BTBD9: variants seen among roughly 807,000 people sequenced by gnomAD.
BTBD9 encodes the protein BTB/POZ domain-containing protein 9.
Under a neutral mutation model 64.3 loss-of-function variants are expected in BTBD9, and 49 were observed. The ratio of observed to expected loss-of-function variants is 0.76; its 90% confidence interval spans 0.61 to 0.97. The LOEUF (loss-of-function observed/expected upper bound fraction) is 0.97, where lower values mean the gene tolerates loss of function less well. Among genes scored for constraint, BTBD9 ranks in the 50% least tolerant of loss-of-function variants. The pLI, the probability that BTBD9 is intolerant of heterozygous loss-of-function variation, is 0.00. For synonymous variants in BTBD9, 260 were observed against 274.7 expected, an observed-to-expected ratio of 0.95 and a Z score of 0.53; for missense variants, 598 against 762.1, an observed-to-expected ratio of 0.78 and a Z score of 2.53.
intron 6 of BTBD9, among the ~76,000 whole-genome samples, chr6:38,506,566 A>G (rs1237972572): frequency 6.6e-6 from 1 of 152,216 alleles, no homozygotes; most frequent in Non-Finnish European, 1.5e-5. Context: ...CACTAAACAC[A>G]TCCTGCTTTC....
At chr6:38,466,564 G>C (rs1227095453) in intron 6 of BTBD9, among the ~76,000 whole-genome samples, 3 of 151,796 alleles carry the variant, frequency 2.0e-5, no homozygotes, top group African/African-American at 7.3e-5. Flanking sequence ...AATTGCTAGG[G>C]ATTACAGGCA....
intron 9 of BTBD9, among the ~76,000 whole-genome samples, chr6:38,239,459 A>AAAT (rs1554131097): frequency 1.3e-5 from 2 of 148,762 alleles, no homozygotes; most frequent in African/African-American, 2.5e-5. Context: ...AAAAAAAAAA[A>AAAT]AGATATAATC....
chr6:38,524,437 T>C (rs1371650976), intron 6 of BTBD9, among the ~76,000 whole-genome samples: 1 of 151,992 alleles, frequency 6.6e-6, no homozygotes, highest in African/African-American at 2.4e-5. Context: ...AGTAGAGAAA[T>C]GGATTAGTAT....
At chr6:38,493,639 C>T (rs1771800632) in intron 6 of BTBD9, among the ~76,000 whole-genome samples, 1 of 152,198 alleles carries the variant, frequency 6.6e-6, no homozygotes, top group Non-Finnish European at 1.5e-5. Flanking sequence ...GGAAAAGGAT[C>T]TATAGTTAGT....
rs567011870 is a variant in BTBD9 at position 38,635,279 on chromosome 6, G to C, written c.-28+4521C>G. Reference sequence around the variant, plus strand: ...ACCTCCTGAGTAGCTGGGATTACAGGTGTGCACCACCCCACCCAGCTAATT... The same window carrying C: ...ACCTCCTGAGTAGCTGGGATTACAGCTGTGCACCACCCCACCCAGCTAATT... On this transcript the variant is annotated intron_variant, in intron 1 of 10. Transcript: ENST00000481247. Among the ~76,000 whole-genome samples, 2 of 152,038 alleles carry C rather than the reference G, an allele frequency of 1.3e-5. 1 individual carries two copies. Among genetic ancestry groups the C allele is most frequent in the African/African-American group, 4.8e-5 (2 of 41,390 alleles).
intron 7 of BTBD9, among the ~76,000 whole-genome samples, chr6:38,322,206 T>A (rs1449269435): frequency 6.6e-6 from 1 of 152,052 alleles, no homozygotes; most frequent in African/African-American, 2.4e-5. Context: ...GCTATATCCC[T>A]TCTCACTGTA....
chr6:38,267,855 G>A (rs1439598544), intron 8 of BTBD9, among the ~76,000 whole-genome samples: 2 of 152,198 alleles, frequency 1.3e-5, no homozygotes, highest in African/African-American at 2.4e-5. Context: ...GAGGAGAATG[G>A]TGTGAACCCA....
At chr6:38,309,390 C>A (rs1207002897) in intron 7 of BTBD9, among the ~76,000 whole-genome samples, 1 of 150,892 alleles carries the variant, frequency 6.6e-6, no homozygotes, top group Non-Finnish European at 1.5e-5. Context: ...AACAAACAAA[C>A]AAACAAAAAA....
At chr6:38,576,694 C>T (rs1299574552) in intron 6 of BTBD9, among the ~76,000 whole-genome samples, 1 of 152,114 alleles carries the variant, frequency 6.6e-6, no homozygotes, top group African/African-American at 2.4e-5. Context: ...GTACACTCAC[C>T]ATATCCCTTC....
intron 1 of BTBD9, among the ~76,000 whole-genome samples, chr6:38,616,636 C>T (rs895295475): frequency 1.3e-4 from 19 of 151,956 alleles, no homozygotes; most frequent in African/African-American, 4.1e-4. Flanking sequence ...GTAAAATGCA[C>T]GAATCAGCAG....
chr6:38,569,063 C>T (rs915772502), intron 6 of BTBD9, among the ~76,000 whole-genome samples: 1 of 152,124 alleles, frequency 6.6e-6, no homozygotes, highest in Non-Finnish European at 1.5e-5. Context: ...AAAAGGTATT[C>T]TTTGTAAGAA....
intron 6 of BTBD9, among the ~76,000 whole-genome samples, chr6:38,505,519 G>A (rs1034936150): frequency 2.0e-5 from 3 of 151,962 alleles, no homozygotes; most frequent in Non-Finnish European, 4.4e-5. Context: ...AGCTACTCAA[G>A]AGGCAGAGGC....
At chr6:38,322,362 C>T (rs1046590162) in intron 7 of BTBD9, among the ~76,000 whole-genome samples, 8 of 152,150 alleles carry the variant, frequency 5.3e-5, no homozygotes, top group Non-Finnish European at 7.3e-5. Context: ...CCTAGTTATA[C>T]CTAATGTTTT....
chr6:38,303,779 A>T (rs1434187586), intron 7 of BTBD9, among the ~76,000 whole-genome samples: 1 of 146,794 alleles, frequency 6.8e-6, no homozygotes, highest in Non-Finnish European at 1.5e-5. Flanking sequence ...TTTGTTAAAC[A>T]GATTATTTCT....
At chr6:38,327,474 A>T (rs1175737525) in intron 7 of BTBD9, among the ~76,000 whole-genome samples, 2 of 152,224 alleles carry the variant, frequency 1.3e-5, no homozygotes, top group Non-Finnish European at 2.9e-5. Context: ...CACAAAGCAC[A>T]GCCCCACATC....
intron 1 of BTBD9, among the ~76,000 whole-genome samples, chr6:38,607,024 T>G (rs904796888): frequency 6.6e-6 from 1 of 152,158 alleles, no homozygotes; most frequent in South Asian, 2.1e-4. Flanking sequence ...AACTTTAACA[T>G]ACCATCTTCA....
At chr6:38,610,286 G>A (rs1328611020) in intron 1 of BTBD9, among the ~76,000 whole-genome samples, 9 of 152,178 alleles carry the variant, frequency 5.9e-5, no homozygotes, top group Admixed American at 1.3e-4. Context: ...CGCTGATAAC[G>A]AAACAAGATT....
At chr6:38,235,971 G>C (rs1490242859) in intron 9 of BTBD9, among the ~76,000 whole-genome samples, 2 of 152,304 alleles carry the variant, frequency 1.3e-5, no homozygotes, top group East Asian at 3.9e-4. Context: ...GCCCGAGGTA[G>C]AAAGGGTAGG....
At chr6:38,336,194 G>C (rs952347639) in intron 7 of BTBD9, among the ~76,000 whole-genome samples, 1 of 152,198 alleles carries the variant, frequency 6.6e-6, no homozygotes, top group Non-Finnish European at 1.5e-5. Flanking sequence ...TGGTCCACTA[G>C]AAGGGGCTCT....
Sources: allele counts gnomAD v4.1 joint callset (sites outside exome capture counted in the v4.1 genomes callset), GRCh38; gene constraint gnomAD v4.1.1; transcripts MANE v1.5; gene names NCBI Gene and HGNC (gene_info 2026-07-23, HGNC 2026-07-21).